SND1: variants seen among roughly 807,000 people sequenced by gnomAD.
SND1 encodes the protein staphylococcal nuclease and tudor domain containing 1.
SND1 carries 38 observed loss-of-function variants against 121.7 expected under a neutral mutation model. The ratio of observed to expected loss-of-function variants is 0.31; its 90% CI spans 0.24 to 0.41. The LOEUF (loss-of-function observed/expected upper bound fraction) is 0.41, where lower values mean the gene tolerates loss of function less well. SND1 is among the 10% of genes least tolerant of loss of function. The probability of loss-of-function intolerance (pLI) is 1.00; values close to 1 mark genes in which losing one functional copy is unlikely to be tolerated. For synonymous variants in SND1, 401 were observed against 447.4 expected, an observed-to-expected ratio of 0.90 and a Z score of 1.31; for missense variants, 868 against 1,184.6, an observed-to-expected ratio of 0.73 and a Z score of 3.92.
chr7:128,075,081 C>T (rs1257068362), intron 17 of SND1, among the ~76,000 whole-genome samples: 4 of 152,244 alleles, frequency 2.6e-5, no homozygotes, highest in African/African-American at 9.6e-5. Flanking sequence ...CCCAAGCCCA[C>T]ATCTGAATTT....
intron 10 of SND1, among the ~76,000 whole-genome samples, chr7:127,755,356 G>C (rs1486538063): frequency 6.6e-6 from 1 of 152,164 alleles, no homozygotes; most frequent in East Asian, 1.9e-4. Flanking sequence ...GTTCAAGAAG[G>C]GTTCATTTTT....
intron 15 of SND1, among the ~76,000 whole-genome samples, chr7:127,940,601 C>T (rs1467961542): frequency 6.6e-6 from 1 of 152,150 alleles, no homozygotes; most frequent in Non-Finnish European, 1.5e-5. Context: ...CACAAATCTC[C>T]CACCCCTTTC....
At chr7:128,011,534 C>T (rs545462845) in intron 16 of SND1, among the ~76,000 whole-genome samples, 1 of 152,198 alleles carries the variant, frequency 6.6e-6, no homozygotes, top group South Asian at 2.1e-4. Flanking sequence ...AAAGGACATT[C>T]GCAGAGCTTG....
chr7:127,797,785 T>C (rs1305863195), intron 10 of SND1, among the ~76,000 whole-genome samples: 1 of 152,204 alleles, frequency 6.6e-6, no homozygotes, highest in African/African-American at 2.4e-5. Flanking sequence ...GCAGTAGTAT[T>C]TGTAGCTAAG....
Position 127,866,188 on chromosome 7 carries a change from A to T in SND1, c.1344-21714A>T, listed in dbSNP as rs73465835. Among the ~76,000 whole-genome samples, 275 of 152,336 alleles carry T rather than the reference A, an allele frequency of 1.8e-3. 1 individual carries two copies. Among genetic ancestry groups the T allele is most frequent in the African/African-American group, 5.8e-3 (241 of 41,558 alleles). On this transcript the variant is annotated intron_variant, in intron 12 of 23. Transcript: ENST00000354725. ...GACATACTGAGCTCGAAGAGAAGCC[A>T]AGAACCTAGACAACTCATTTTGAAG...
At chr7:128,083,554 C>G (rs1031570378) in intron 18 of SND1, among the ~76,000 whole-genome samples, 3 of 152,224 alleles carry the variant, frequency 2.0e-5, no homozygotes, top group Non-Finnish European at 4.4e-5. Context: ...TATTAAGCAC[C>G]CTGCATGCAT....
Position 127,872,644 on chromosome 7 carries a change from A to G in SND1, c.1344-15258A>G, listed in dbSNP as rs960366518. On this transcript the variant is annotated intron_variant, in intron 12 of 23. Transcript: ENST00000354725. ...AACACACACGCACACACACACACAC[A>G]CACACACACACACACACACACACAC... 1.8e-4 allele frequency among the ~76,000 whole-genome samples: 28 copies of G among 151,400 alleles called. 1 individual carries two copies. The highest frequency in any genetic ancestry group is 5.3e-4 in the African/African-American group (22 of 41,286).
At chr7:128,090,303 G>C (rs1453699206) in intron 22 of SND1, among the ~76,000 whole-genome samples, 1 of 152,220 alleles carries the variant, frequency 6.6e-6, no homozygotes, top group Non-Finnish European at 1.5e-5. Flanking sequence ...GCTCGTACCT[G>C]AGAAACAGCT....
intron 16 of SND1, chr7:127,998,467 A>G (rs184134394): frequency 4.4e-4 from 68 of 156,072 alleles, no homozygotes; most frequent in Admixed American, 1.9e-3. Flanking sequence ...CTCTCTGAAC[A>G]TAGTCTGCAA....
chr7:127,966,174 T>G (rs1449377108), intron 15 of SND1, among the ~76,000 whole-genome samples: 1 of 151,776 alleles, frequency 6.6e-6, no homozygotes, highest in African/African-American at 2.4e-5. Context: ...TTGCTAGCGG[T>G]CTATCAATTT....
At chr7:128,001,721 C>T (rs964902489) in intron 16 of SND1, among the ~76,000 whole-genome samples, 14 of 152,270 alleles carry the variant, frequency 9.2e-5, no homozygotes, top group African/African-American at 2.9e-4. Context: ...TACCTGAGAT[C>T]GGGAGTTCAA....
chr7:128,055,001 A>G (rs6966724), intron 16 of SND1, among the ~76,000 whole-genome samples: 12,733 of 152,236 alleles, frequency 0.084, 926 homozygotes, highest in African/African-American at 0.19. Context: ...AATAGGATGG[A>G]TATCTGCCCG....
chr7:127,772,690 GA>G (rs1797535981), intron 10 of SND1, among the ~76,000 whole-genome samples: 1 of 85,942 alleles, frequency 1.2e-5, no homozygotes, highest in South Asian at 5.7e-4. Flanking sequence ...AATAAATTAT[GA>G]AACATGTAAT....
At chr7:127,739,876 C>T (rs1205136251) in intron 10 of SND1, among the ~76,000 whole-genome samples, 1 of 152,158 alleles carries the variant, frequency 6.6e-6, no homozygotes, top group African/African-American at 2.4e-5. Context: ...TGAGAGTGGT[C>T]TCTGATATGT....
intron 15 of SND1, among the ~76,000 whole-genome samples, chr7:127,990,083 A>G (rs1318276046): frequency 1.3e-5 from 2 of 152,148 alleles, no homozygotes; most frequent in South Asian, 2.1e-4. Context: ...GAGCATGGGA[A>G]TTGCTAAGAG....
chr7:128,032,750 A>T (rs1584752455), intron 16 of SND1, among the ~76,000 whole-genome samples: 1 of 152,254 alleles, frequency 6.6e-6, no homozygotes, highest in African/African-American at 2.4e-5. Flanking sequence ...CGAGGCTCCC[A>T]GGACCGAGAG....
chr7:128,027,659 AAAAC>A (rs1002004835), intron 16 of SND1: 5 of 152,190 alleles, frequency 3.3e-5, no homozygotes, highest in Admixed American at 2.0e-4. Flanking sequence ...TCTCCACCTT[AAAAC>A]AAACAAAATC....
chr7:128,090,594 G>T (rs1793761821), intron 22 of SND1, among the ~76,000 whole-genome samples: 1 of 152,224 alleles, frequency 6.6e-6, no homozygotes, highest in Non-Finnish European at 1.5e-5. Flanking sequence ...TTCCTTCAGA[G>T]ACAGGGGCAA....
intron 16 of SND1, among the ~76,000 whole-genome samples, chr7:128,061,995 G>T (rs552591061): frequency 1.3e-5 from 2 of 152,348 alleles, no homozygotes; most frequent in African/African-American, 2.4e-5. Flanking sequence ...TTCCTTGCTG[G>T]GTTATAATAG....
Sources: allele counts gnomAD v4.1 joint callset (sites outside exome capture counted in the v4.1 genomes callset), GRCh38; gene constraint gnomAD v4.1.1; transcripts MANE v1.5; gene names NCBI Gene and HGNC (gene_info 2026-07-23, HGNC 2026-07-21).